Variants in PCDHGA10 observed in about 807,000 individuals in gnomAD.
The protein encoded by PCDHGA10 is protocadherin gamma-A10.
Under a neutral mutation model 59.5 loss-of-function variants are expected in PCDHGA10, and 42 were observed. That is an observed-to-expected ratio of 0.71 (90% CI 0.55 to 0.91). The LOEUF is 0.91. Ranked by LOEUF, PCDHGA10 falls within the 40% of genes least tolerant of loss-of-function variation. The pLI is 0.00. For synonymous variants in PCDHGA10, 511 were observed against 517.2 expected, an observed-to-expected ratio of 0.99 and a Z score of 0.16; for missense variants, 1,111 against 1,198.2, an observed-to-expected ratio of 0.93 and a Z score of 1.07.
In PCDHGA10 at chr5:141,490,949, A is replaced by G. The variant is rs2074912; in HGVS notation, c.2437-3858A>G. On this transcript the variant is annotated intron_variant, in intron 1 of 3. Coordinates refer to ENST00000398610, the MANE Select transcript of PCDHGA10 (RefSeq NM_018913.3). The surrounding 1 kb of genome is among the most constrained non-coding windows in gnomAD (Gnocchi z 5.4). ...CCAGCTGTGCTGCACCCACGGCCAG[A>G]CTGGGAACACTCAGCCCCCCAGCGT... 0.21 allele frequency: 331,850 copies of G among 1,613,352 alleles called. 36,311 individuals carry two copies. The highest frequency in any genetic ancestry group is 0.37 in the Admixed American group (22,349 of 59,972).
Position 141,489,214 on chromosome 5 carries a change from T to TA in PCDHGA10, c.2437-5592dup, listed in dbSNP as rs771766565. On this transcript the variant is annotated intron_variant, in intron 1 of 3. Transcript: ENST00000398610. This position sits in a 1 kb window ranked among gnomAD's most constrained non-coding sequence, Gnocchi z 4.5. ...CCTTGGAGACAGGACAGCACAGACTTACTCTCCACAAAGGGACTTCTGGGT... is the reference window on the plus strand; with the variant it reads ...CCTTGGAGACAGGACAGCACAGACTTAACTCTCCACAAAGGGACTTCTGGGT... 216 of 1,480,534 alleles carry TA rather than the reference T, an allele frequency of 1.5e-4. 4 individuals are homozygous for TA. The South Asian group carries it at 2.1e-3, about 14-fold the overall frequency. 91.7% of individuals were successfully genotyped at this position (1,480,534 alleles called of 1,614,324 possible).
chr5:141,457,649 A>C (rs1303184316), intron 1 of PCDHGA10, among the ~76,000 whole-genome samples: 1 of 152,282 alleles, frequency 6.6e-6, no homozygotes, highest in Non-Finnish European at 1.5e-5. Context: ...TATTTGCATG[A>C]AGTGCAGCAA....
intron 1 of PCDHGA10, chr5:141,424,460 C>T (rs2096822106): frequency 6.6e-6 from 1 of 152,056 alleles, no homozygotes; most frequent in African/African-American, 2.4e-5. Context: ...GTATTATTTC[C>T]TTTTATTCTT....
intron 1 of PCDHGA10, among the ~76,000 whole-genome samples, chr5:141,443,789 A>G (rs1316614117): frequency 6.6e-6 from 1 of 152,234 alleles, no homozygotes; most frequent in East Asian, 1.9e-4. Context: ...GACAAAAAAA[A>G]TGAAAAGGAA....
rs779065098 is a variant in PCDHGA10 at position 141,491,758 on chromosome 5, C to T, written c.2437-3049C>T. 1.8e-5 allele frequency: 29 copies of T among 1,578,670 alleles called. No homozygotes were observed. Among genetic ancestry groups the T allele is most frequent in the Non-Finnish European group, 2.2e-5 (26 of 1,163,530 alleles). ...TGGGGGCGGCACTGGAGAAGCCGCC[C>T]GTCCTCATAAGGGATTGAACTTGCA... On this transcript the variant is annotated intron_variant, in intron 1 of 3. Transcript: ENST00000398610. The surrounding 1 kb of genome is among the most constrained non-coding windows in gnomAD (Gnocchi z 6.9).
At chr5:141,422,617 G>T (rs758903894) in intron 1 of PCDHGA10, 3 of 1,613,524 alleles carry the variant, frequency 1.9e-6, no homozygotes, top group Non-Finnish European at 2.5e-6. Context: ...CTACATTCCC[G>T]AAAACAACCC....
At chr5:141,500,876 A>G (rs909126749) in intron 2 of PCDHGA10, among the ~76,000 whole-genome samples, 1 of 124,952 alleles carries the variant, frequency 8.0e-6, no homozygotes, top group African/African-American at 3.5e-5. Flanking sequence ...ATTCATTTAC[A>G]ATTTTTTTTT....
Position 141,489,341 on chromosome 5 carries a change from CAGT to C in PCDHGA10, c.2437-5465_2437-5463del. The stretch of plus-strand genomic sequence containing the variant: ...TGGGTGTCTGGGCAGCTTCGTTACT[CAGT>C]GGTGGAGGAGTCTGAGCCGGGGACG... On this transcript the variant is annotated intron_variant, in intron 1 of 3. Coordinates refer to ENST00000398610, the MANE Select transcript of PCDHGA10 (RefSeq NM_018913.3). This position sits in a 1 kb window ranked among gnomAD's most constrained non-coding sequence, Gnocchi z 4.5. The C allele has an allele frequency of 6.2e-7, 1 of 1,609,088 alleles. No homozygotes were observed. Among genetic ancestry groups the C allele is most frequent in the Non-Finnish European group, 8.5e-7 (1 of 1,176,770 alleles).
intron 1 of PCDHGA10, among the ~76,000 whole-genome samples, chr5:141,438,976 C>T (rs2098079529): frequency 6.6e-6 from 1 of 151,928 alleles, no homozygotes; most frequent in Non-Finnish European, 1.5e-5. Context: ...AACTGTCTGA[C>T]TTATCTTAAA....
In PCDHGA10 at chr5:141,414,900, T is replaced by C. The variant is rs1402776790; in HGVS notation, c.1725T>C (p.Gly575=). The part of the protein sequence containing the change: ...EILYPALPTD[G]STGVELAPRS... Reference sequence around the variant, plus strand: ...TGTACCCCGCCCTCCCCACAGACGGTTCCACAGGCGTGGAGCTGGCGCCCC... The same window carrying C: ...TGTACCCCGCCCTCCCCACAGACGGCTCCACAGGCGTGGAGCTGGCGCCCC... Residue 575 remains glycine (G), a synonymous_variant, in exon 1 of 4, where the codon GGT becomes GGC. Coordinates refer to ENST00000398610, the MANE Select transcript of PCDHGA10 (RefSeq NM_018913.3). 5 of 1,614,170 alleles carry C rather than the reference T, an allele frequency of 3.1e-6. No homozygotes were observed. The highest frequency in any genetic ancestry group is 1.6e-4 in the Middle Eastern group (1 of 6,062).
intron 2 of PCDHGA10, among the ~76,000 whole-genome samples, chr5:141,496,639 C>A (rs752903356): frequency 6.6e-6 from 1 of 152,222 alleles, no homozygotes; most frequent in Non-Finnish European, 1.5e-5. Flanking sequence ...TTGGGCTGCC[C>A]TTGCCCTTCC....
At position 141,418,573 on chromosome 5, in the gene PCDHGA10, C is replaced by A. The variant is rs749104686; in HGVS notation, c.2436+2962C>A. 5.0e-6 allele frequency: 8 copies of A among 1,613,826 alleles called. No individual in the cohort carries two copies. The South Asian group carries it at 5.5e-5, about 11-fold the overall frequency. Reference sequence around the variant, plus strand: ...TCCTGGTAATAGATGCCAATGACAACCCCCCAGTGTTCAGCCAGGACGTGT... The same window carrying A: ...TCCTGGTAATAGATGCCAATGACAAACCCCCAGTGTTCAGCCAGGACGTGT... On this transcript the variant is annotated intron_variant, in intron 1 of 3. Transcript: ENST00000398610.
chr5:141,454,874 C>A (rs1002727777), intron 1 of PCDHGA10, among the ~76,000 whole-genome samples: 4 of 123,066 alleles, frequency 3.3e-5, no homozygotes, highest in African/African-American at 1.2e-4. Flanking sequence ...GTGGCACGAT[C>A]TTGGCTCACT....
chr5:141,440,902 G>C (rs138147244), intron 1 of PCDHGA10: 1 of 152,110 alleles, frequency 6.6e-6, no homozygotes, highest in Admixed American at 6.6e-5. Context: ...ATGTGCATCC[G>C]GGCACTCCTG....
At position 141,489,515 on chromosome 5, in the gene PCDHGA10, G is replaced by T; in HGVS notation, c.2437-5292G>T. ...CTGGCAGTGAATCAAAAGATTGACC[G>T]AGAAAGCCTATGTGGAGCCAGCACC... On this transcript the variant is annotated intron_variant, in intron 1 of 3. Coordinates refer to ENST00000398610, the MANE Select transcript of PCDHGA10 (RefSeq NM_018913.3). This position sits in a 1 kb window ranked among gnomAD's most constrained non-coding sequence, Gnocchi z 4.5. 4.3e-6 allele frequency: 7 copies of T among 1,614,104 alleles called. No individual in the cohort carries two copies. Among genetic ancestry groups the T allele is most frequent in the Non-Finnish European group, 5.9e-6 (7 of 1,180,034 alleles).
intron 2 of PCDHGA10, among the ~76,000 whole-genome samples, chr5:141,495,250 A>G (rs557893500): frequency 6.6e-6 from 1 of 152,188 alleles, no homozygotes; most frequent in Non-Finnish European, 1.5e-5. Context: ...CCTGGGGCTC[A>G]GGCAGAAAAG....
At position 141,431,468 on chromosome 5, in the gene PCDHGA10, G is replaced by A. The variant is rs756718016; in HGVS notation, c.2436+15857G>A. ...CCGCGTGATGGTTCTGGATGCGAAC[G>A]ACAACGCACCAGCGTTTGCTCAGCC... On this transcript the variant is annotated intron_variant, in intron 1 of 3. Transcript: ENST00000398610. This position sits in a 1 kb window ranked among gnomAD's most constrained non-coding sequence, Gnocchi z 4.8. The A allele has an allele frequency of 3.7e-6, 6 of 1,613,804 alleles. No homozygotes were observed. In the Admixed American group the frequency reaches 8.3e-5, roughly 22 times the overall value.
At position 141,489,963 on chromosome 5, in the gene PCDHGA10, C is replaced by A. The variant is rs779260164; in HGVS notation, c.2437-4844C>A. On this transcript the variant is annotated intron_variant, in intron 1 of 3. Coordinates refer to ENST00000398610, the MANE Select transcript of PCDHGA10 (RefSeq NM_018913.3). This position sits in a 1 kb window ranked among gnomAD's most constrained non-coding sequence, Gnocchi z 4.5. Reference sequence around the variant, plus strand: ...TGGACATCAATGATAATGCTCCAACCTTCCAATCCTCAGTTCTACGTGTGG... The same window carrying A: ...TGGACATCAATGATAATGCTCCAACATTCCAATCCTCAGTTCTACGTGTGG... The A allele has an allele frequency of 8.1e-6, 13 of 1,614,184 alleles. No homozygotes were observed. In the East Asian group the frequency reaches 2.2e-4, roughly 28 times the overall value.
chr5:141,507,397 AC>A (rs1163501030), intron 3 of PCDHGA10: 1 of 152,144 alleles, frequency 6.6e-6, no homozygotes. Flanking sequence ...TGGCAACTCT[AC>A]CCCAGATGTC....
Sources: allele counts gnomAD v4.1 joint callset (sites outside exome capture counted in the v4.1 genomes callset), GRCh38; gene constraint gnomAD v4.1.1; non-coding constraint Gnocchi (gnomAD v3.1); transcripts MANE v1.5; gene names NCBI Gene and HGNC (gene_info 2026-07-23, HGNC 2026-07-21).